WWOX: variants seen among roughly 807,000 people sequenced by gnomAD.
WWOX encodes the protein WW domain containing oxidoreductase, also known as WW domain-containing oxidoreductase.
In WWOX, 69 loss-of-function variants were observed where a neutral mutation model predicts 46.2. That is an observed-to-expected ratio of 1.49 (90% CI 1.23 to 1.82). The LOEUF is 1.82. Among genes scored for constraint, WWOX ranks in the 40% most tolerant of loss-of-function variants. The probability of loss-of-function intolerance (pLI) is 0.00; values close to 1 mark genes in which losing one functional copy is unlikely to be tolerated. For missense variants in WWOX, 919 were observed against 542.6 expected (o/e 1.69, Z -6.89); for synonymous variants, 359 against 202.6 (o/e 1.77, Z -6.56).
At chr16:78,527,391 T>C (rs144989247) in intron 8 of WWOX, among the ~76,000 whole-genome samples, 1,732 of 150,990 alleles carry the variant, frequency 0.011, 29 homozygotes, top group Middle Eastern at 0.044. Flanking sequence ...CCTCCTGTAA[T>C]CAAGAGATTT....
At chr16:78,215,707 C>G (rs963538534) in intron 5 of WWOX, among the ~76,000 whole-genome samples, 4 of 152,106 alleles carry the variant, frequency 2.6e-5, no homozygotes, top group Non-Finnish European at 1.5e-5. Flanking sequence ...GCAGATGGAT[C>G]ACTTGAGGTC....
At chr16:78,574,537 C>A (rs1262235841) in intron 8 of WWOX, among the ~76,000 whole-genome samples, 3 of 152,010 alleles carry the variant, frequency 2.0e-5, no homozygotes, top group African/African-American at 7.2e-5. Flanking sequence ...TGTCTTATGG[C>A]CTGAAGATCT....
intron 4 of WWOX, among the ~76,000 whole-genome samples, chr16:78,127,516 G>GAAAAAAAAAAAAA (rs35507203): frequency 8.2e-6 from 1 of 122,368 alleles, no homozygotes; most frequent in Non-Finnish European, 1.8e-5. Flanking sequence ...ATAATCAACG[G>GAAAAAAAAAAAAA]AAAAAAAAAA....
intron 8 of WWOX, among the ~76,000 whole-genome samples, chr16:78,702,977 C>G (rs529990023): frequency 2.0e-5 from 3 of 152,122 alleles, no homozygotes; most frequent in African/African-American, 7.2e-5. Context: ...TGTAGATCAT[C>G]ATAGGATAAC....
chr16:79,212,245 T>A lies in WWOX; in HGVS notation c.*449T>A, dbSNP rs1485188364. On this transcript the variant is annotated 3_prime_UTR_variant, in exon 9 of 9. Coordinates refer to ENST00000566780, the MANE Select transcript of WWOX (RefSeq NM_016373.4). ...TGTTCACTGCTCCTTGCTGCATTGA[T>A]CCAGGAGATAATTGTTTCATTCATC... 1 of 1,337,558 alleles carries A rather than the reference T, an allele frequency of 7.5e-7. No individual in the cohort carries two copies. The highest frequency in any genetic ancestry group is 9.9e-7 in the Non-Finnish European group (1 of 1,011,560). 82.9% of individuals were successfully genotyped at this position (1,337,558 alleles called of 1,614,324 possible). A position where few individuals can be genotyped will look rare whatever the true frequency, so the allele number is the denominator to read the frequency against.
chr16:78,960,081 C>T (rs1023393767), intron 8 of WWOX, among the ~76,000 whole-genome samples: 1 of 152,154 alleles, frequency 6.6e-6, no homozygotes, highest in Non-Finnish European at 1.5e-5. Flanking sequence ...GGCTACAGGT[C>T]AGGGTCATTG....
intron 8 of WWOX, among the ~76,000 whole-genome samples, chr16:79,104,312 A>G (rs1461859484): frequency 6.6e-6 from 1 of 152,198 alleles, no homozygotes; most frequent in East Asian, 1.9e-4. Context: ...ATCTGCTATT[A>G]CTGTTATTTC....
chr16:78,874,971 G>A (rs534127054), intron 8 of WWOX, among the ~76,000 whole-genome samples: 6 of 152,028 alleles, frequency 3.9e-5, no homozygotes, highest in Admixed American at 6.5e-5. Flanking sequence ...ATGACTTCAC[G>A]TTGCATACAT....
intron 8 of WWOX, among the ~76,000 whole-genome samples, chr16:78,791,865 G>A (rs1188739197): frequency 1.3e-5 from 2 of 152,114 alleles, no homozygotes; most frequent in Admixed American, 6.5e-5. Context: ...GGGCGACAGT[G>A]AAACTTTTGT....
chr16:78,914,028 C>G (rs1353195153), intron 8 of WWOX, among the ~76,000 whole-genome samples: 1 of 151,988 alleles, frequency 6.6e-6, no homozygotes, highest in Non-Finnish European at 1.5e-5. Flanking sequence ...ATCTGAGGAT[C>G]ATCAGAGATG....
chr16:78,421,705 A>G (rs1456722125), intron 6 of WWOX, among the ~76,000 whole-genome samples: 3 of 152,168 alleles, frequency 2.0e-5, no homozygotes, highest in East Asian at 3.9e-4. Context: ...ATGGGGAAGC[A>G]TTTTATATAG....
At chr16:78,603,460 T>G (rs1314464614) in intron 8 of WWOX, among the ~76,000 whole-genome samples, 2 of 152,186 alleles carry the variant, frequency 1.3e-5, no homozygotes, top group Non-Finnish European at 2.9e-5. Context: ...TTTGGGAGGT[T>G]GAGGAGGACG....
At chr16:78,946,900 G>T (rs1597189404) in intron 8 of WWOX, among the ~76,000 whole-genome samples, 1 of 152,156 alleles carries the variant, frequency 6.6e-6, no homozygotes, top group African/African-American at 2.4e-5. Flanking sequence ...GACCTTCTCA[G>T]AGTCAGTAGG....
chr16:78,669,228 C>G (rs1276681915), intron 8 of WWOX, among the ~76,000 whole-genome samples: 1 of 152,212 alleles, frequency 6.6e-6, no homozygotes, highest in Non-Finnish European at 1.5e-5. Flanking sequence ...CCCAAAGAAG[C>G]TGGATATGGC....
chr16:78,411,539 G>C (rs115524958), intron 6 of WWOX, among the ~76,000 whole-genome samples: 4,882 of 152,226 alleles, frequency 0.032, 259 homozygotes, highest in African/African-American at 0.11. Context: ...TAAGGAGAAG[G>C]GGGTGTAGTT....
intron 8 of WWOX, among the ~76,000 whole-genome samples, chr16:78,879,957 G>C (rs1350123823): frequency 1.3e-5 from 2 of 151,972 alleles, no homozygotes; most frequent in Non-Finnish European, 2.9e-5. Flanking sequence ...TTTAGTTTAA[G>C]CCTCACATTT....
intron 8 of WWOX, among the ~76,000 whole-genome samples, chr16:78,735,488 G>A (rs529572862): frequency 2.6e-5 from 4 of 152,016 alleles, no homozygotes; most frequent in Admixed American, 6.5e-5. Context: ...CTGTTTTGAC[G>A]TGCTTGAACT....
chr16:78,939,343 A>T (rs1000798194), intron 8 of WWOX, among the ~76,000 whole-genome samples: 3 of 152,166 alleles, frequency 2.0e-5, no homozygotes, highest in African/African-American at 7.2e-5. Flanking sequence ...CTTACAGATG[A>T]TGCCCAATGA....
At chr16:79,039,237 C>A (rs2047925808) in intron 8 of WWOX, among the ~76,000 whole-genome samples, 1 of 152,242 alleles carries the variant, frequency 6.6e-6, no homozygotes, top group East Asian at 1.9e-4. Context: ...GAATACCGAT[C>A]TGACTTTGCA....
Sources: allele counts gnomAD v4.1 joint callset (sites outside exome capture counted in the v4.1 genomes callset), GRCh38; gene constraint gnomAD v4.1.1; transcripts MANE v1.5; gene names NCBI Gene and HGNC (gene_info 2026-07-23, HGNC 2026-07-21).